Variants in QRICH2 observed in about 807,000 individuals in gnomAD.
QRICH2 encodes the protein glutamine-rich protein 2.
In QRICH2, 119 loss-of-function variants were observed where a neutral mutation model predicts 168.3. The ratio of observed to expected loss-of-function variants is 0.71; its 90% CI spans 0.61 to 0.82. The LOEUF is 0.82. Ranked by LOEUF, QRICH2 falls within the 40% of genes least tolerant of loss-of-function variation. The pLI is 0.00. For missense variants in QRICH2, 2,241 were observed against 2,491.6 expected, an observed-to-expected ratio of 0.90 and a Z score of 2.14; for synonymous variants, 894 against 951.2, an observed-to-expected ratio of 0.94 and a Z score of 1.11.
intron 7 of QRICH2, among the ~76,000 whole-genome samples, chr17:76,282,704 C>T (rs775642961): frequency 7.2e-5 from 11 of 152,202 alleles, no homozygotes; most frequent in Non-Finnish European, 1.6e-4. Context: ...CCTCTGCATC[C>T]CGCAGGCCCC....
chr17:76,307,778 G>A lies in QRICH2; in HGVS notation c.221C>T (p.Pro74Leu). ...CCCCTTGGGCACCTCCTTGGGCGCGGGCAGGTGCGGGATGCTGAACGAGCT... is the reference window on the plus strand; with the variant it reads ...CCCCTTGGGCACCTCCTTGGGCGCGAGCAGGTGCGGGATGCTGAACGAGCT... ...VRSSFSIPHL[P>L]APKEVPKGAP... Residue 74 changes from proline to leucine, a missense_variant, in exon 1 of 19, where the codon CCC becomes CTC. Physicochemically the swap from Pro to Leu is moderately conservative, Grantham distance 98 (BLOSUM62 -3). Transcript: ENST00000680821. The surrounding 1 kb of genome is among the most constrained non-coding windows in gnomAD (Gnocchi z 5.3). 5 of 1,384,570 alleles carry A rather than the reference G, an allele frequency of 3.6e-6. No homozygotes were observed. The highest frequency in any genetic ancestry group is 4.7e-6 in the Non-Finnish European group (5 of 1,073,600). 85.8% of individuals were successfully genotyped at this position (1,384,570 alleles called of 1,614,324 possible). A position where few individuals can be genotyped will look rare whatever the true frequency, so the allele number is the denominator to read the frequency against.
In QRICH2 at chr17:76,304,438, C is replaced by A; in HGVS notation, c.682G>T (p.Asp228Tyr). ...ACCGCTTGTGAGGCTCTCCAGCCGT[C>A]CGTAATCGCCTGCTCCAGCTCTTCC... ...TWEELEQAITDGWRASQAGSE... is the reference protein window; with the variant it reads ...TWEELEQAITYGWRASQAGSE... Residue 228 changes from aspartate (D) to tyrosine (Y), a missense_variant, in exon 3 of 19, where the codon GAC becomes TAC. Asp to Tyr is a radical substitution (Grantham distance 160). This residue lies in a region of QRICH2 where 2,047 missense variants were observed against 2,303.8 expected (regional missense o/e 0.89). Transcript: ENST00000680821. The A allele has an allele frequency of 1.9e-6, 3 of 1,613,418 alleles. No individual in the cohort carries two copies. The highest frequency in any genetic ancestry group is 2.5e-6 in the Non-Finnish European group (3 of 1,179,902).
chr17:76,277,390 C>G, intron 15 of QRICH2, 80 bp from the exon 16 acceptor site: 1 of 1,505,434 alleles, frequency 6.6e-7, no homozygotes, highest in Non-Finnish European at 9.0e-7. Context: ...ATGGGGCTGA[C>G]CAGAGGGAAG....
chr17:76,304,556 A>G, intron 2 of QRICH2, 31 bp from the exon 3 acceptor site: 1 of 1,469,128 alleles, frequency 6.8e-7, no homozygotes, highest in Non-Finnish European at 9.5e-7. Context: ...ACACACATAC[A>G]CCCCTTGATT....
chr17:76,283,271 G>A (rs984334646), intron 7 of QRICH2, among the ~76,000 whole-genome samples: 38 of 152,258 alleles, frequency 2.5e-4, no homozygotes, highest in African/African-American at 8.9e-4. Flanking sequence ...ACACTAAGCC[G>A]CAGCTATCTG....
intron 3 of QRICH2, chr17:76,301,430 T>C: frequency 4.0e-6 from 1 of 248,932 alleles, no homozygotes; most frequent in Non-Finnish European, 8.3e-6. Flanking sequence ...TAGCTAGGTA[T>C]GGTGGTACGC....
chr17:76,297,870 G>GTTTTTTTTTTTTTTTTTTTT (rs1169251679), intron 3 of QRICH2, among the ~76,000 whole-genome samples: 5 of 79,492 alleles, frequency 6.3e-5, no homozygotes, highest in Non-Finnish European at 9.3e-5. Context: ...TTAGGAATCT[G>GTTTTTTTTTTTTTTTTTTTT]TTTTTTTTTT....
chr17:76,302,198 G>A (rs1352961732), intron 3 of QRICH2, among the ~76,000 whole-genome samples: 1 of 151,658 alleles, frequency 6.6e-6, no homozygotes, highest in Admixed American at 6.6e-5. Flanking sequence ...GCGCCGGCCG[G>A]CACTCATTAT....
intron 16 of QRICH2, 91 bp downstream of exon 16, chr17:76,277,072 G>A: frequency 7.4e-7 from 1 of 1,357,396 alleles, no homozygotes; most frequent in South Asian, 1.5e-5. Flanking sequence ...GCAGAGGGCT[G>A]GCTGATTTTC....
Position 76,285,557 on chromosome 17 carries a change from C to T in QRICH2, c.4011+1635G>A, listed in dbSNP as rs553297369. Among the ~76,000 whole-genome samples, 16 of 151,782 alleles carry T rather than the reference C, an allele frequency of 1.1e-4. 1 individual carries two copies. In the South Asian group the frequency reaches 1.3e-3, roughly 12 times the overall value. ...TGCTGGGACTACAGGCGTGAGTCAC[C>T]GCAGCCGGCCCCACACAAAAACTTA... On this transcript the variant is annotated intron_variant, in intron 7 of 18. Transcript: ENST00000680821.
At chr17:76,305,026 C>A (rs1188728702) in intron 1 of QRICH2, 85 bp from the exon 2 acceptor site, 8 of 888,998 alleles carry the variant, frequency 9.0e-6, no homozygotes, top group Admixed American at 5.1e-5. Context: ...TGCGCACACA[C>A]ACTCTCACAC....
At chr17:76,278,375 G>A (rs943376903) in intron 14 of QRICH2, among the ~76,000 whole-genome samples, 186 bp from the exon 15 acceptor site, 1 of 152,256 alleles carries the variant, frequency 6.6e-6, no homozygotes, top group African/African-American at 2.4e-5. Flanking sequence ...TTGCCGGGAA[G>A]GCTTTCCTCA....
chr17:76,300,240 C>T (rs1007140766), intron 3 of QRICH2, among the ~76,000 whole-genome samples: 1 of 152,200 alleles, frequency 6.6e-6, no homozygotes, highest in African/African-American at 2.4e-5. Context: ...GCATAGACAC[C>T]TTTAAACATT....
In QRICH2 at chr17:76,280,274, G is replaced by A. The variant is rs1030495450; in HGVS notation, c.4626+13C>T. 1.2e-6 allele frequency: 2 copies of A among 1,613,382 alleles called. No individual in the cohort carries two copies. Among genetic ancestry groups the A allele is most frequent in the Non-Finnish European group, 8.5e-7 (1 of 1,179,762 alleles). On this transcript the variant is annotated intron_variant, in intron 11 of 18. Transcript: ENST00000680821. This position sits in a 1 kb window ranked among gnomAD's most constrained non-coding sequence, Gnocchi z 7.4. ...GCTGTGGGATGGAGAGCCCCGCCAT[G>A]CCCCTGCCTCACCTTGTTGTCCATC...
intron 3 of QRICH2, among the ~76,000 whole-genome samples, chr17:76,303,179 C>G (rs1598504702): frequency 6.6e-6 from 1 of 152,108 alleles, no homozygotes; most frequent in African/African-American, 2.4e-5. Context: ...CCACCGCGCC[C>G]GGCCCCTCTT....
rs1019540559 is a variant in QRICH2 at position 76,277,998 on chromosome 17, C to T, written c.5108G>A (p.Cys1703Tyr). The T allele has an allele frequency of 7.4e-6, 12 of 1,611,734 alleles. No homozygotes were observed. Among genetic ancestry groups the T allele is most frequent in the Non-Finnish European group, 1.0e-5 (12 of 1,180,034 alleles). The change falls in exon 15 of 19, where the codon TGC becomes TAC. Residue 1703 changes from cysteine to tyrosine, a missense_variant. Cys to Tyr is a radical substitution (Grantham distance 194, BLOSUM62 -2). This residue lies in a region of QRICH2 where 2,047 missense variants were observed against 2,303.8 expected (regional missense o/e 0.89). Coordinates refer to ENST00000680821, the MANE Select transcript of QRICH2 (RefSeq NM_001388453.1). ...LLHAQCLGSP[C>Y]YKRVTDMADY... ...CCCGCCTCTCCTGTACCGTTTGTAG[C>T]AGGGGGAGCCCAGGCACTGGGCGTG...
At chr17:76,298,181 A>AT (rs1244588706) in intron 3 of QRICH2, among the ~76,000 whole-genome samples, 10,050 of 84,040 alleles carry the variant, frequency 0.12, 881 homozygotes, top group Middle Eastern at 0.17. Flanking sequence ...TTTCTGGCTA[A>AT]TTTTTTTTTT....
chr17:76,283,865 ACT>A (rs2070832693), intron 7 of QRICH2, among the ~76,000 whole-genome samples: 1 of 107,944 alleles, frequency 9.3e-6, no homozygotes, highest in Non-Finnish European at 1.6e-5. Context: ...CAAGAGCGAA[ACT>A]CTGTCTCAAA....
chr17:76,294,005 A>G lies in QRICH2; in HGVS notation c.722T>C (p.Met241Thr), dbSNP rs377406030. 3.2e-5 allele frequency: 51 copies of G among 1,605,084 alleles called. No individual in the cohort carries two copies. In the African/African-American group the frequency reaches 4.1e-4, roughly 13 times the overall value. The change falls in exon 4 of 19, where the codon ATG becomes ACG. Residue 241 changes from methionine to threonine, a missense_variant. By Grantham distance (81) the Met-to-Thr change is moderately conservative. Coordinates refer to ENST00000680821, the MANE Select transcript of QRICH2 (RefSeq NM_001388453.1). ...GAACCCTCCGTGCTTAGAAAATCCCATAAGTGTTTCTGAGCCCTGGTTGGA... is the reference window on the plus strand; with the variant it reads ...GAACCCTCCGTGCTTAGAAAATCCCGTAAGTGTTTCTGAGCCCTGGTTGGA... ...RASQAGSETL[M>T]GFSKHGGFTS... is the part of the protein sequence containing the mutation.
Sources: allele counts gnomAD v4.1 joint callset (sites outside exome capture counted in the v4.1 genomes callset), GRCh38; gene constraint gnomAD v4.1.1; regional missense constraint gnomAD v4.1.1; non-coding constraint Gnocchi (gnomAD v3.1); transcripts MANE v1.5; gene names NCBI Gene and HGNC (gene_info 2026-07-23, HGNC 2026-07-21).